The following ADAMTS17 variants were observed in gnomAD, a reference collection of about 807,000 sequenced individuals.
The protein encoded by ADAMTS17 is A disintegrin and metalloproteinase with thrombospondin motifs 17.
Under a neutral mutation model 141.5 loss-of-function variants are expected in ADAMTS17, and 113 were observed. The observed-to-expected ratio is 0.80, with a 90% CI of 0.69 to 0.93. The LOEUF (loss-of-function observed/expected upper bound fraction) is 0.93. ADAMTS17 is among the 40% of genes least tolerant of loss of function. The probability of loss-of-function intolerance (pLI) is 0.00; values close to 1 mark genes in which losing one functional copy is unlikely to be tolerated. For missense variants in ADAMTS17, 1,659 were observed against 1,517.9 expected (o/e 1.09, Z -1.54); for synonymous variants, 768 against 630.6 (o/e 1.22, Z -3.27).
intron 7 of ADAMTS17, among the ~76,000 whole-genome samples, chr15:100,244,300 C>G (rs1314638704): frequency 6.8e-6 from 1 of 148,062 alleles, no homozygotes; most frequent in Admixed American, 6.7e-5. Context: ...GGGGACACAG[C>G]CAAACCGTAT....
chr15:100,255,498 A>G (rs969843590), intron 6 of ADAMTS17, among the ~76,000 whole-genome samples: 23 of 152,196 alleles, frequency 1.5e-4, no homozygotes, highest in South Asian at 2.1e-4. Flanking sequence ...AGGCGATAGA[A>G]GCAGCACTGG....
chr15:100,297,505 A>G (rs1373670018), intron 3 of ADAMTS17, among the ~76,000 whole-genome samples: 1 of 152,142 alleles, frequency 6.6e-6, no homozygotes, highest in East Asian at 1.9e-4. Flanking sequence ...TTCAGGAGGG[A>G]CTTCGAAGAT....
chr15:100,308,833 G>A (rs2045312983), intron 3 of ADAMTS17, among the ~76,000 whole-genome samples: 1 of 152,120 alleles, frequency 6.6e-6, no homozygotes, highest in African/African-American at 2.4e-5. Context: ...ATGCACAACT[G>A]GGCATATCTT....
At chr15:100,219,571 C>T (rs1432469230) in intron 7 of ADAMTS17, among the ~76,000 whole-genome samples, 1 of 152,164 alleles carries the variant, frequency 6.6e-6, no homozygotes, top group Non-Finnish European at 1.5e-5. Context: ...ATCTCAAACC[C>T]AGTGTTTGAT....
At chr15:99,994,488 A>G (rs2060756773) in intron 19 of ADAMTS17, among the ~76,000 whole-genome samples, 1 of 152,052 alleles carries the variant, frequency 6.6e-6, no homozygotes. Flanking sequence ...GTCCACTGGA[A>G]AAAAGGTACA....
At chr15:100,246,144 A>G (rs2042980297) in intron 7 of ADAMTS17, among the ~76,000 whole-genome samples, 1 of 152,104 alleles carries the variant, frequency 6.6e-6, no homozygotes, top group South Asian at 2.1e-4. Flanking sequence ...CGGAGGAAAT[A>G]CTCTACGGAT....
chr15:100,207,805 C>A (rs2041635212), intron 7 of ADAMTS17, among the ~76,000 whole-genome samples: 1 of 152,050 alleles, frequency 6.6e-6, no homozygotes, highest in African/African-American at 2.4e-5. Context: ...AACTAAGGCA[C>A]CAGGGAGGGA....
intron 7 of ADAMTS17, among the ~76,000 whole-genome samples, chr15:100,229,713 A>C (rs545609798): frequency 4.6e-5 from 7 of 152,236 alleles, no homozygotes; most frequent in Admixed American, 4.6e-4. Flanking sequence ...CCCACAACAA[A>C]ACACCCACAG....
chr15:100,142,345 G>A (rs9672868), intron 10 of ADAMTS17, among the ~76,000 whole-genome samples: 5,727 of 152,230 alleles, frequency 0.038, 136 homozygotes, highest in South Asian at 0.076. Context: ...CTGGACACGG[G>A]AAAGCAATCC....
chr15:100,015,186 G>A (rs1334682871), intron 18 of ADAMTS17, among the ~76,000 whole-genome samples: 2 of 152,130 alleles, frequency 1.3e-5, no homozygotes, highest in Non-Finnish European at 2.9e-5. Flanking sequence ...AGCTACCCCT[G>A]CTCACTTTTG....
chr15:100,307,131 C>G (rs1437631900), intron 3 of ADAMTS17, among the ~76,000 whole-genome samples: 1 of 152,190 alleles, frequency 6.6e-6, no homozygotes, highest in Non-Finnish European at 1.5e-5. Context: ...AACAGAACAC[C>G]TCTTTGCTTC....
chr15:100,336,189 C>G (rs941118988), intron 2 of ADAMTS17, among the ~76,000 whole-genome samples: 1 of 152,234 alleles, frequency 6.6e-6, no homozygotes, highest in African/African-American at 2.4e-5. Flanking sequence ...GGTGGGCAGC[C>G]TGGTGCAGGA....
intron 7 of ADAMTS17, among the ~76,000 whole-genome samples, chr15:100,211,729 A>G (rs551703306): frequency 5.3e-5 from 8 of 152,228 alleles, no homozygotes; most frequent in Non-Finnish European, 1.0e-4. Context: ...CTAAAACCAA[A>G]GATTTAAAAA....
chr15:100,171,086 C>T (rs766946657), intron 8 of ADAMTS17, among the ~76,000 whole-genome samples: 26 of 152,180 alleles, frequency 1.7e-4, no homozygotes, highest in African/African-American at 6.3e-4. Context: ...AGGAACCAGC[C>T]CCCAGCACTT....
chr15:99,981,062 C>G (rs1189905298), intron 20 of ADAMTS17, among the ~76,000 whole-genome samples: 1 of 152,176 alleles, frequency 6.6e-6, no homozygotes, highest in African/African-American at 2.4e-5. Context: ...CTCAAAGTTG[C>G]AGAGGTAGGA....
intron 15 of ADAMTS17, among the ~76,000 whole-genome samples, chr15:100,067,675 G>T (rs1208181834): frequency 6.6e-6 from 1 of 151,902 alleles, no homozygotes; most frequent in Non-Finnish European, 1.5e-5. Flanking sequence ...ATGACTTTGT[G>T]CTTCCCAGGT....
intron 3 of ADAMTS17, among the ~76,000 whole-genome samples, chr15:100,301,890 AC>A (rs780293479): frequency 7.9e-5 from 12 of 152,228 alleles, no homozygotes; most frequent in Non-Finnish European, 1.2e-4. Context: ...TTTATGTTTT[AC>A]ATCTTCCCTT....
chr15:100,158,774 C>CA (rs1243688325), intron 8 of ADAMTS17, among the ~76,000 whole-genome samples: 5 of 151,966 alleles, frequency 3.3e-5, no homozygotes, highest in African/African-American at 1.2e-4. Context: ...AACTCAATAG[C>CA]AAAAAAACTA....
chr15:100,191,530 C>T (rs1292862210), intron 8 of ADAMTS17, among the ~76,000 whole-genome samples: 1 of 152,232 alleles, frequency 6.6e-6, no homozygotes, highest in African/African-American at 2.4e-5. Context: ...GTTTTCCAGA[C>T]AACTGGAAGA....
Sources: gnomAD v4.1 joint callset for allele counts (sites outside exome capture counted in the v4.1 genomes callset) on GRCh38, gnomAD v4.1.1 for gene constraint, MANE v1.5 for transcripts, NCBI Gene and HGNC (gene_info 2026-07-23, HGNC 2026-07-21) for gene names.